The following GREM1 variants were observed in gnomAD, a reference collection of about 807,000 sequenced individuals.
The protein encoded by GREM1 is gremlin-1.
A neutral mutation model predicts 13.1 loss-of-function variants in GREM1; 6 were observed. The ratio of observed to expected loss-of-function variants is 0.46; its 90% CI spans 0.25 to 0.91. The LOEUF (loss-of-function observed/expected upper bound fraction) is 0.91. GREM1 is among the 40% of genes least tolerant of loss of function. GREM1 has a pLI of 0.18. For missense variants in GREM1, 185 were observed against 233.9 expected, an observed-to-expected ratio of 0.79 and a Z score of 1.36; for synonymous variants, 98 against 93.7, an observed-to-expected ratio of 1.05 and a Z score of -0.27.
rs760877626 is a variant in GREM1, at chr15:32,734,560, T to G, written c.*3315T>G. 4 of 247,182 alleles carry G rather than the reference T, an allele frequency of 1.6e-5. No individual in the cohort carries two copies. The highest frequency in any genetic ancestry group is 8.5e-6 in the Non-Finnish European group (1 of 117,632). 15.3% of individuals were successfully genotyped at this position (247,182 alleles called of 1,614,324 possible). On this transcript the variant is annotated 3_prime_UTR_variant, in exon 2 of 2. Coordinates refer to ENST00000651154, the MANE Select transcript of GREM1 (RefSeq NM_013372.7). ...GAGTTGATAGTCTCATAAAACTAAT[T>G]TGGCTTCAAGTTTCATGAATCTGTA...
chr15:32,731,281 G>T lies in GREM1; in HGVS notation c.*36G>T. ...GGTGCACCCAGCATGTCCTAGGAATGCAGCCCCAGGAAGTCCCAGACCTAA... is the reference window on the plus strand; with the variant it reads ...GGTGCACCCAGCATGTCCTAGGAATTCAGCCCCAGGAAGTCCCAGACCTAA... On this transcript the variant is annotated 3_prime_UTR_variant, in exon 2 of 2. Coordinates refer to ENST00000651154, the MANE Select transcript of GREM1 (RefSeq NM_013372.7). 1 of 1,537,384 alleles carries T rather than the reference G, an allele frequency of 6.5e-7. No individual in the cohort carries two copies. The highest frequency in any genetic ancestry group is 8.9e-7 in the Non-Finnish European group (1 of 1,120,450).
intron 1 of GREM1, chr15:32,718,858 G>A: frequency 4.6e-6 from 1 of 216,848 alleles, no homozygotes; most frequent in Non-Finnish European, 9.4e-6. Flanking sequence ...ACGCGCTCGC[G>A]GACCGGCCAC....
At position 32,735,609 on chromosome 15, in the gene GREM1, TC is replaced by T. The variant is rs1366651860; in HGVS notation, c.*4365del. On this transcript the variant is annotated 3_prime_UTR_variant, in exon 2 of 2. Coordinates refer to ENST00000651154, the MANE Select transcript of GREM1 (RefSeq NM_013372.7). ...AGATCTGAAGCATTCAGTCAAAGCC[TC>T]TTGGCCACCTCTCTTTTTGTCATGG... is the stretch of plus-strand genomic sequence containing the variant. The T allele has an allele frequency of 3.3e-5, 5 of 152,272 alleles. No homozygotes were observed. The highest frequency in any genetic ancestry group is 9.6e-5 in the African/African-American group (4 of 41,552). The allele number at this position is 152,272 out of a possible 1,614,324, so 9.4% of individuals were successfully genotyped here. A position where few individuals can be genotyped will look rare whatever the true frequency, so the allele number is the denominator to read the frequency against.
chr15:32,730,563 A>T, intron 1 of GREM1, 127 bp from the exon 2 acceptor site: 1 of 657,140 alleles, frequency 1.5e-6, no homozygotes, highest in Non-Finnish European at 2.6e-6. Context: ...GTACTGTGAG[A>T]AGTAAATGGA....
At position 32,730,984 on chromosome 15, in the gene GREM1, G is replaced by C. The variant is rs1002880323; in HGVS notation, c.294G>C (p.Pro98=). Residue 98 remains proline, a synonymous_variant, in exon 2 of 2, where the codon CCG becomes CCC. Transcript: ENST00000651154. ...AGCGAGACTGGTGCAAAACCCAGCC[G>C]CTTAAGCAGACCATCCACGAGGAAG... ...YLKRDWCKTQ[P]LKQTIHEEGC... 2 of 1,614,060 alleles carry C rather than the reference G, an allele frequency of 1.2e-6. No individual in the cohort carries two copies. The highest frequency in any genetic ancestry group is 2.7e-5 in the African/African-American group (2 of 74,926).
rs2055784227 is a variant in GREM1, at chr15:32,743,989, A to G, written c.*12744A>G. 6.6e-6 allele frequency: 1 copy of G among 152,200 alleles called. No individual in the cohort carries two copies. The highest frequency in any genetic ancestry group is 1.5e-5 in the Non-Finnish European group (1 of 68,050). The allele number at this position is 152,200 out of a possible 1,614,324, so 9.4% of individuals were successfully genotyped here. A position where few individuals can be genotyped will look rare whatever the true frequency, so the allele number is the denominator to read the frequency against. On this transcript the variant is annotated 3_prime_UTR_variant, in exon 2 of 2. Coordinates refer to ENST00000651154, the MANE Select transcript of GREM1 (RefSeq NM_013372.7). ...AATCCAAGAGACAGCAAGGATTGAC[A>G]GCCATGACAGCACAGTGCCTTTCAT...
At chr15:32,729,180 C>T (rs962995660) in intron 1 of GREM1, among the ~76,000 whole-genome samples, 6 of 121,426 alleles carry the variant, frequency 4.9e-5, no homozygotes, top group South Asian at 5.8e-4. Context: ...CCCGCCACTA[C>T]GCCCGGCTAA....
Position 32,731,254 on chromosome 15 carries a change from C to A in GREM1, c.*9C>A, listed in dbSNP as rs761180040. 1.2e-6 allele frequency: 2 copies of A among 1,600,850 alleles called. No homozygotes were observed. Among genetic ancestry groups the A allele is most frequent in the African/African-American group, 1.3e-5 (1 of 74,690 alleles). ...CCATCGATTTGGATTAAGCCAAATC[C>A]AGGTGCACCCAGCATGTCCTAGGAA... On this transcript the variant is annotated 3_prime_UTR_variant, in exon 2 of 2. Transcript: ENST00000651154.
Position 32,732,715 on chromosome 15 carries a change from A to AAT in GREM1, c.*1470_*1471insAT, listed in dbSNP as rs2055642976. 4.2e-6 allele frequency: 1 copy of AAT among 236,654 alleles called. No homozygotes were observed. Among genetic ancestry groups the AAT allele is most frequent in the African/African-American group, 2.2e-5 (1 of 44,716 alleles). 14.7% of individuals were successfully genotyped at this position (236,654 alleles called of 1,614,324 possible). A position where few individuals can be genotyped will look rare whatever the true frequency, so the allele number is the denominator to read the frequency against. Reference sequence around the variant, plus strand: ...TTGTAACTATTCAGTATTTACTGGTAGGCACTGTCCTCTGATTAAACTTGG... The same window carrying AAT: ...TTGTAACTATTCAGTATTTACTGGTAATGGCACTGTCCTCTGATTAAACTTGG... On this transcript the variant is annotated 3_prime_UTR_variant, in exon 2 of 2. Coordinates refer to ENST00000651154, the MANE Select transcript of GREM1 (RefSeq NM_013372.7).
At position 32,741,624 on chromosome 15, in the gene GREM1, C is replaced by G. The variant is rs1352663608; in HGVS notation, c.*10379C>G. On this transcript the variant is annotated 3_prime_UTR_variant, in exon 2 of 2. Transcript: ENST00000651154. The stretch of plus-strand genomic sequence containing the variant: ...AGATTATGTCATCTGCAAACAGCAA[C>G]AATTTTACCCTTTGTTTTCAACGTG... 3 of 152,152 alleles carry G rather than the reference C, an allele frequency of 2.0e-5. No homozygotes were observed. The highest frequency in any genetic ancestry group is 6.5e-5 in the Admixed American group (1 of 15,290). The allele number at this position is 152,152 out of a possible 1,614,324, so 9.4% of individuals were successfully genotyped here. A position where few individuals can be genotyped will look rare whatever the true frequency, so the allele number is the denominator to read the frequency against.
rs993904188 is a variant in GREM1 at position 32,718,093 on chromosome 15, C to G, written c.-70C>G. 8.1e-7 allele frequency: 1 copy of G among 1,231,994 alleles called. No individual in the cohort carries two copies. The highest frequency in any genetic ancestry group is 1.6e-5 in the African/African-American group (1 of 62,528). 76.3% of individuals were successfully genotyped at this position (1,231,994 alleles called of 1,614,324 possible). A position where few individuals can be genotyped will look rare whatever the true frequency, so the allele number is the denominator to read the frequency against. ...CTGACCCCGCGCCGAGCCCCGGCGG[C>G]TCTGGCCGCGGCCGCACTCAGCGCC... On this transcript the variant is annotated 5_prime_UTR_variant, in exon 1 of 2. Coordinates refer to ENST00000651154, the MANE Select transcript of GREM1 (RefSeq NM_013372.7).
chr15:32,721,645 T>C (rs1255241426), intron 1 of GREM1, among the ~76,000 whole-genome samples: 1 of 152,038 alleles, frequency 6.6e-6, no homozygotes, highest in East Asian at 1.9e-4. Context: ...TCTCAGCTAC[T>C]TGGGAGGCTG....
intron 1 of GREM1, among the ~76,000 whole-genome samples, chr15:32,719,450 C>T (rs1379678631): frequency 6.6e-6 from 1 of 152,152 alleles, no homozygotes. Flanking sequence ...ATTCCCGGGT[C>T]GAATCCGTCT....
Position 32,738,578 on chromosome 15 carries a change from C to G in GREM1, c.*7333C>G, listed in dbSNP as rs1479939429. The G allele has an allele frequency of 6.6e-6, 1 of 152,048 alleles. No individual in the cohort carries two copies. The highest frequency in any genetic ancestry group is 2.4e-5 in the African/African-American group (1 of 41,392). The allele number at this position is 152,048 out of a possible 1,614,324, so 9.4% of individuals were successfully genotyped here. On this transcript the variant is annotated 3_prime_UTR_variant, in exon 2 of 2. Transcript: ENST00000651154. ...GGCTTAAGAAATTGACAAGTTAATC[C>G]TAAAATTCATAAGAAATTGAAAGGG...
intron 1 of GREM1, among the ~76,000 whole-genome samples, chr15:32,730,453 G>A (rs891641763): frequency 4.6e-5 from 7 of 152,206 alleles, no homozygotes; most frequent in Admixed American, 1.3e-4. Flanking sequence ...CTAGGCCCTG[G>A]CTGAGTTTAA....
At position 32,731,010 on chromosome 15, in the gene GREM1, G is replaced by C. The variant is rs752249342; in HGVS notation, c.320G>C (p.Gly107Ala). ...CTTAAGCAGACCATCCACGAGGAAG[G>C]CTGCAACAGTCGCACCATCATCAAC... ...QPLKQTIHEE[G>A]CNSRTIINRF... Residue 107 changes from glycine (G) to alanine (A), a missense_variant, in exon 2 of 2, where the codon GGC (glycine) becomes GCC (alanine). Gly to Ala is a moderately conservative substitution (Grantham distance 60). Coordinates refer to ENST00000651154, the MANE Select transcript of GREM1 (RefSeq NM_013372.7). 4 of 1,614,198 alleles carry C rather than the reference G, an allele frequency of 2.5e-6. No individual in the cohort carries two copies. The highest frequency in any genetic ancestry group is 1.1e-5 in the South Asian group (1 of 91,084).
chr15:32,728,894 C>T (rs2055561228), intron 1 of GREM1, among the ~76,000 whole-genome samples: 1 of 152,200 alleles, frequency 6.6e-6, no homozygotes, highest in Non-Finnish European at 1.5e-5. Context: ...TCTCTCCGTG[C>T]CCCATGGCAG....
At chr15:32,718,348 A>G (rs888578914) in intron 1 of GREM1, 187 bp downstream of exon 1, 4 of 516,686 alleles carry the variant, frequency 7.7e-6, no homozygotes, top group Admixed American at 4.6e-5. Context: ...GGACACCGTG[A>G]CCTCGCTGCT....
chr15:32,736,981 C>G lies in GREM1; in HGVS notation c.*5736C>G, dbSNP rs562312328. On this transcript the variant is annotated 3_prime_UTR_variant, in exon 2 of 2. Transcript: ENST00000651154. ...TTGGGGTGTGTGTAACATCATCAGT[C>G]TCAGCATCTAAACCAAATTTTGGTG... 4 of 152,294 alleles carry G rather than the reference C, an allele frequency of 2.6e-5. No homozygotes were observed. Among genetic ancestry groups the G allele is most frequent in the East Asian group, 1.9e-4 (1 of 5,166 alleles). The allele number at this position is 152,294 out of a possible 1,614,324, so 9.4% of individuals were successfully genotyped here.
Sources: gnomAD v4.1 joint callset for allele counts (sites outside exome capture counted in the v4.1 genomes callset) on GRCh38, gnomAD v4.1.1 for gene constraint, MANE v1.5 for transcripts, NCBI Gene and HGNC (gene_info 2026-07-23, HGNC 2026-07-21) for gene names.